PGM5: variants seen among roughly 807,000 people sequenced by gnomAD.
PGM5 encodes the protein phosphoglucomutase 5.
PGM5 carries 23 observed loss-of-function variants against 59.2 expected under a neutral mutation model. The ratio of observed to expected loss-of-function variants is 0.39; its 90% CI spans 0.28 to 0.55. The LOEUF (loss-of-function observed/expected upper bound fraction) is 0.55. Among genes scored for constraint, PGM5 ranks in the 20% least tolerant of loss-of-function variants. PGM5 has a pLI of 0.66. For missense variants in PGM5, 574 were observed against 748.3 expected (o/e 0.77, Z 2.72); for synonymous variants, 214 against 286.0 (o/e 0.75, Z 2.54).
intron 2 of PGM5, among the ~76,000 whole-genome samples, chr9:68,381,213 T>C (rs1822063928): frequency 6.6e-6 from 1 of 151,902 alleles, no homozygotes; most frequent in Non-Finnish European, 1.5e-5. Flanking sequence ...TTATGAATCA[T>C]GGCCAAGTGG....
At position 68,440,051 on chromosome 9, in the gene PGM5, T is replaced by C. The variant is rs531137423; in HGVS notation, c.1044-25042T>C. ...CGGTCCTAAATGTATATGCTCCTATTAGGATAATTTTAAAGTACATAAGCA... is the reference window on the plus strand; with the variant it reads ...CGGTCCTAAATGTATATGCTCCTATCAGGATAATTTTAAAGTACATAAGCA... On this transcript the variant is annotated intron_variant, in intron 6 of 10. Transcript: ENST00000396396. Among the ~76,000 whole-genome samples, 4 of 152,268 alleles carry C rather than the reference T, an allele frequency of 2.6e-5. No homozygotes were observed. The East Asian group carries it at 7.7e-4, about 29-fold the overall frequency.
chr9:68,388,081 G>A (rs1822273075), intron 4 of PGM5, among the ~76,000 whole-genome samples: 1 of 140,164 alleles, frequency 7.1e-6, no homozygotes, highest in Admixed American at 7.4e-5. Context: ...ACAGGAACTG[G>A]AGCTGCAGCT....
At chr9:68,467,997 C>T (rs1823961399) in intron 7 of PGM5, among the ~76,000 whole-genome samples, 1 of 151,254 alleles carries the variant, frequency 6.6e-6, no homozygotes, top group Admixed American at 6.6e-5. Flanking sequence ...GTGTTTTTCC[C>T]CTAAAACCTA....
chr9:68,530,804 A>G lies in PGM5; in HGVS notation c.*1148A>G, dbSNP rs1825068251. The G allele has an allele frequency of 6.6e-6, 1 of 152,258 alleles. No individual in the cohort carries two copies. Among genetic ancestry groups the G allele is most frequent in the Admixed American group, 6.5e-5 (1 of 15,282 alleles). 9.4% of individuals were successfully genotyped at this position (152,258 alleles called of 1,614,324 possible). On this transcript the variant is annotated 3_prime_UTR_variant, in exon 11 of 11. Coordinates refer to ENST00000396396, the MANE Select transcript of PGM5 (RefSeq NM_021965.4). Reference sequence around the variant, plus strand: ...CTAGCAGCCTCCTCTGTACTCAGCCAGGACACCCAGCGCGTGGGACCTGTT... The same window carrying G: ...CTAGCAGCCTCCTCTGTACTCAGCCGGGACACCCAGCGCGTGGGACCTGTT...
At chr9:68,455,149 G>A (rs1251561171) in intron 6 of PGM5, among the ~76,000 whole-genome samples, 1 of 152,164 alleles carries the variant, frequency 6.6e-6, no homozygotes, top group Admixed American at 6.5e-5. Context: ...AGCAACCTGC[G>A]TCATCCATTG....
chr9:68,505,338 C>T (rs1162178945), intron 10 of PGM5, among the ~76,000 whole-genome samples: 1 of 152,108 alleles, frequency 6.6e-6, no homozygotes, highest in Non-Finnish European at 1.5e-5. Flanking sequence ...TTCCCTGACA[C>T]CAACTGGGTG....
At chr9:68,357,455 C>T (rs1834479836) in intron 1 of PGM5, 67 bp downstream of exon 1, 3 of 1,524,142 alleles carry the variant, frequency 2.0e-6, no homozygotes, top group East Asian at 2.5e-5. Flanking sequence ...CCCTTGTCCC[C>T]CTGCTGCCTC....
intron 10 of PGM5, among the ~76,000 whole-genome samples, chr9:68,506,873 A>G (rs1564024937): frequency 6.6e-6 from 1 of 152,172 alleles, no homozygotes. Flanking sequence ...TGATTTAAAG[A>G]GCTAAAAGTT....
At chr9:68,439,654 A>G (rs1554683562) in intron 6 of PGM5, among the ~76,000 whole-genome samples, 1 of 149,124 alleles carries the variant, frequency 6.7e-6, no homozygotes, top group African/African-American at 2.5e-5. Flanking sequence ...ACATATATAT[A>G]CATATATACA....
At chr9:68,370,221 G>C (rs1185216749) in intron 1 of PGM5, among the ~76,000 whole-genome samples, 3 of 152,142 alleles carry the variant, frequency 2.0e-5, no homozygotes, top group Admixed American at 2.0e-4. Flanking sequence ...GAGTGATAGG[G>C]ATTATAACAC....
intron 10 of PGM5, among the ~76,000 whole-genome samples, chr9:68,520,556 A>T (rs1824886829): frequency 6.6e-6 from 1 of 152,234 alleles, no homozygotes; most frequent in African/African-American, 2.4e-5. Context: ...TTTTCATGCC[A>T]CAGGGGACAC....
chr9:68,391,494 G>A, intron 4 of PGM5, 40 bp from the exon 5 acceptor site: 2 of 1,607,174 alleles, frequency 1.2e-6, no homozygotes, highest in Non-Finnish European at 1.7e-6. Flanking sequence ...TGGGGAGAAG[G>A]TTCTGCAAAT....
intron 1 of PGM5, among the ~76,000 whole-genome samples, chr9:68,358,416 G>A (rs1834512311): frequency 6.6e-6 from 1 of 152,024 alleles, no homozygotes; most frequent in Non-Finnish European, 1.5e-5. Flanking sequence ...AGCATCTCAA[G>A]GACATCTACA....
chr9:68,462,883 T>A (rs567350618), intron 6 of PGM5, among the ~76,000 whole-genome samples: 1 of 152,258 alleles, frequency 6.6e-6, no homozygotes, highest in East Asian at 1.9e-4. Context: ...TTCCATAGCC[T>A]TCTGACCATG....
At chr9:68,482,989 A>G (rs1470297863) in intron 8 of PGM5, among the ~76,000 whole-genome samples, 1 of 152,232 alleles carries the variant, frequency 6.6e-6, no homozygotes, top group Non-Finnish European at 1.5e-5. Context: ...GAATGGAACA[A>G]TTGTGATATT....
intron 9 of PGM5, among the ~76,000 whole-genome samples, chr9:68,492,112 AC>A (rs1206643141): frequency 6.6e-6 from 1 of 152,182 alleles, no homozygotes; most frequent in African/African-American, 2.4e-5. Context: ...GATGAGCTTC[AC>A]CAGGAAATAT....
At chr9:68,462,057 G>A (rs1455225945) in intron 6 of PGM5, among the ~76,000 whole-genome samples, 3 of 152,082 alleles carry the variant, frequency 2.0e-5, no homozygotes, top group Admixed American at 6.6e-5. Context: ...TCCAACCTAC[G>A]TCACATTTTA....
chr9:68,365,802 G>T (rs1302720902), intron 1 of PGM5, among the ~76,000 whole-genome samples: 1 of 152,116 alleles, frequency 6.6e-6, no homozygotes, highest in African/African-American at 2.4e-5. Context: ...AAAGAGAAAG[G>T]AATCTGAAAT....
intron 10 of PGM5, among the ~76,000 whole-genome samples, chr9:68,513,850 TGTAA>T (rs1159320159): frequency 1.1e-4 from 17 of 152,268 alleles, no homozygotes; most frequent in African/African-American, 4.1e-4. Context: ...TCTTTGACCA[TGTAA>T]GTGTTTCTAT....
Sources: gnomAD v4.1 joint callset for allele counts (sites outside exome capture counted in the v4.1 genomes callset) on GRCh38, gnomAD v4.1.1 for gene constraint, MANE v1.5 for transcripts, NCBI Gene and HGNC (gene_info 2026-07-23, HGNC 2026-07-21) for gene names.